ANKRD36: variants seen among roughly 807,000 people sequenced by gnomAD.
The protein encoded by ANKRD36 is ankyrin repeat domain-containing protein 36A.
ANKRD36 carries 179 observed loss-of-function variants against 278.1 expected under a neutral mutation model. The ratio of observed to expected loss-of-function variants is 0.64; its 90% confidence interval spans 0.57 to 0.73. The LOEUF is 0.73. Among genes scored for constraint, ANKRD36 ranks in the 30% least tolerant of loss-of-function variants. The pLI, the probability that ANKRD36 is intolerant of heterozygous loss-of-function variation, is 0.00. For synonymous variants in ANKRD36, 320 were observed against 641.1 expected (o/e 0.50, Z 7.57); for missense variants, 1,159 against 1,956.7 (o/e 0.59, Z 7.69).
chr2:97,166,905 T>C (rs1427949134), intron 20 of ANKRD36, among the ~76,000 whole-genome samples: 1 of 152,294 alleles, frequency 6.6e-6, no homozygotes, highest in Non-Finnish European at 1.5e-5. Flanking sequence ...CTTTAAGTTT[T>C]AGGGTACATG....
At chr2:97,157,130 C>CTT (rs2047660651) in intron 15 of ANKRD36, among the ~76,000 whole-genome samples, 1 of 67,262 alleles carries the variant, frequency 1.5e-5, no homozygotes, top group East Asian at 2.9e-4. Flanking sequence ...GTTTTTTTTT[C>CTT]CTCTCTCTCT....
chr2:97,140,201 C>T lies in ANKRD36; in HGVS notation c.800-2439C>T, dbSNP rs1195782812. Among the ~76,000 whole-genome samples, 2 of 151,462 alleles carry T rather than the reference C, an allele frequency of 1.3e-5. 1 individual carries two copies. Among genetic ancestry groups the T allele is most frequent in the East Asian group, 3.9e-4 (2 of 5,164 alleles). On this transcript the variant is annotated intron_variant, in intron 6 of 75. Transcript: ENST00000420699. The stretch of plus-strand genomic sequence containing the variant: ...TGTACCTGCAAAAAATTACACCATT[C>T]TTCATTTTTCATGTCAATTACTGAC...
At chr2:97,217,415 A>G (rs1435311270) in intron 64 of ANKRD36, 43 bp downstream of exon 64, 1 of 1,548,682 alleles carries the variant, frequency 6.5e-7, no homozygotes, top group South Asian at 1.2e-5. Context: ...CACTCAAGAT[A>G]GAAGACAACA....
In ANKRD36 at chr2:97,198,381, G is replaced by T. The variant is rs1285828073; in HGVS notation, c.2654-82G>T. The stretch of plus-strand genomic sequence containing the variant: ...CACTAATACAGGCAGGAGGACAGAG[G>T]TTGATGCTAACACTGTATGAATGTA... On this transcript the variant is annotated intron_variant, in intron 42 of 75. Transcript: ENST00000420699. 4 of 1,546,752 alleles carry T rather than the reference G, an allele frequency of 2.6e-6. No homozygotes were observed. The East Asian group carries it at 7.3e-5, about 28-fold the overall frequency.
rs141478865 is a variant in ANKRD36, at chr2:97,211,731, ATC to A, written c.3461_3462del (p.Ser1154TrpfsTer16). On this transcript the variant is annotated frameshift_variant, in exon 58 of 76. Coordinates refer to ENST00000420699, the MANE Select transcript of ANKRD36 (RefSeq NM_001354587.1). LOFTEE classifies it high-confidence loss of function. The part of the protein sequence containing the change: ...MATEKKDEQI[S>X]GTVSCQKQPA... ...CCACGGAAAAAAAGGATGAACAAAT[ATC>A]TGGGACAGGTAATTTTGCAAACACA... 1.2e-3 allele frequency: 1,851 copies of A among 1,582,490 alleles called. No homozygotes were observed. The East Asian group carries it at 0.038, about 32-fold the overall frequency.
intron 26 of ANKRD36, among the ~76,000 whole-genome samples, chr2:97,182,110 A>T (rs2056393336): frequency 6.6e-6 from 1 of 151,400 alleles, no homozygotes; most frequent in Admixed American, 6.6e-5. Flanking sequence ...GAAAGAGATG[A>T]AGTATAGATT....
At chr2:97,172,202 G>A (rs371240299) in intron 22 of ANKRD36, among the ~76,000 whole-genome samples, 35 of 151,454 alleles carry the variant, frequency 2.3e-4, no homozygotes, top group African/African-American at 8.5e-4. Flanking sequence ...TAACATGTAG[G>A]ACTTGATTTT....
intron 67 of ANKRD36, among the ~76,000 whole-genome samples, chr2:97,229,853 C>G (rs979377210): frequency 6.6e-6 from 1 of 152,094 alleles, no homozygotes; most frequent in Non-Finnish European, 1.5e-5. Flanking sequence ...AATCTCTCAT[C>G]ATTTGCTTGT....
At chr2:97,156,096 C>T (rs1333779796) in intron 15 of ANKRD36, among the ~76,000 whole-genome samples, 1 of 146,408 alleles carries the variant, frequency 6.8e-6, no homozygotes, top group Non-Finnish European at 1.5e-5. Flanking sequence ...AAGGCGGATA[C>T]AGCGTGTTTT....
At chr2:97,143,737 T>C (rs1398245766) in intron 8 of ANKRD36, among the ~76,000 whole-genome samples, 1 of 152,236 alleles carries the variant, frequency 6.6e-6, no homozygotes, top group African/African-American at 2.4e-5. Context: ...ATCAGAGCAA[T>C]TTCCAAATGG....
chr2:97,217,421 C>G, intron 64 of ANKRD36, 49 bp downstream of exon 64: 1 of 1,548,284 alleles, frequency 6.5e-7, no homozygotes, highest in Non-Finnish European at 8.7e-7. Flanking sequence ...AGATAGAAGA[C>G]AACATCCCAC....
At chr2:97,200,635 C>T in intron 46 of ANKRD36, 110 bp downstream of exon 46, 2 of 1,467,128 alleles carry the variant, frequency 1.4e-6, no homozygotes, top group South Asian at 2.6e-5. Flanking sequence ...ATTCACCAAG[C>T]TTGAGATTCT....
intron 36 of ANKRD36, among the ~76,000 whole-genome samples, chr2:97,192,586 T>C (rs1219639696): frequency 6.6e-6 from 1 of 151,756 alleles, no homozygotes; most frequent in East Asian, 2.0e-4. Context: ...ACTTGGCATA[T>C]GGACATTGAT....
At chr2:97,134,499 G>T (rs1380811251) in intron 6 of ANKRD36, among the ~76,000 whole-genome samples, 3 of 152,036 alleles carry the variant, frequency 2.0e-5, no homozygotes, top group Non-Finnish European at 4.4e-5. Context: ...TTGGAAATAA[G>T]ACCAGCTAGT....
At chr2:97,137,393 C>T (rs911048272) in intron 6 of ANKRD36, among the ~76,000 whole-genome samples, 8 of 151,806 alleles carry the variant, frequency 5.3e-5, no homozygotes, top group Non-Finnish European at 1.0e-4. Context: ...TCATGTGATC[C>T]ACCCACCTTG....
intron 42 of ANKRD36, among the ~76,000 whole-genome samples, chr2:97,198,152 C>T (rs1448858487): frequency 6.6e-6 from 1 of 151,894 alleles, no homozygotes; most frequent in Non-Finnish European, 1.5e-5. Flanking sequence ...TGAGTTGCCC[C>T]TCTGATTTTA....
In ANKRD36 at chr2:97,202,221, A is replaced by C; in HGVS notation, c.2877A>C (p.Pro959=). Residue 959 remains proline, a synonymous_variant, in exon 47 of 76, where the codon CCA becomes CCC. Coordinates refer to ENST00000420699, the MANE Select transcript of ANKRD36 (RefSeq NM_001354587.1). ...TTTCAGTGTCTTCTCAGAAACCACC[A>C]GCCTTGAAGGTAATGAAACTCCCAT... The part of the protein sequence containing the change: ...ISRKVSSQKP[P]ALKGTSDEED... The C allele has an allele frequency of 6.2e-7, 1 of 1,609,590 alleles. No homozygotes were observed. Among genetic ancestry groups the C allele is most frequent in the Non-Finnish European group, 8.5e-7 (1 of 1,178,642 alleles).
intron 6 of ANKRD36, among the ~76,000 whole-genome samples, chr2:97,140,728 G>C (rs1399641320): frequency 6.6e-6 from 1 of 151,976 alleles, no homozygotes; most frequent in Non-Finnish European, 1.5e-5. Flanking sequence ...GTGTCAGAAT[G>C]GGATTGTACG....
rs1233866893 is a variant in ANKRD36 at position 97,158,154 on chromosome 2, A to G, written c.1308A>G (p.Gln436=). The change falls in exon 16 of 76, where the codon CAA becomes CAG. Residue 436 remains glutamine, a synonymous_variant. Coordinates refer to ENST00000420699, the MANE Select transcript of ANKRD36 (RefSeq NM_001354587.1). ...YFTNRRTISQ[Q]SAENLDAACG... ...CGAACAGAAGGACTATTTCTCAACA[A>G]TCTGCAGAAAATTGTAAGCTATTTG... The G allele has an allele frequency of 5.3e-6, 8 of 1,512,628 alleles. No homozygotes were observed. The Admixed American group carries it at 1.2e-4, about 22-fold the overall frequency. The allele number at this position is 1,512,628 out of a possible 1,614,324, so 93.7% of individuals were successfully genotyped here.
Sources: allele counts gnomAD v4.1 joint callset (sites outside exome capture counted in the v4.1 genomes callset), GRCh38; gene constraint gnomAD v4.1.1; transcripts MANE v1.5; gene names NCBI Gene and HGNC (gene_info 2026-07-23, HGNC 2026-07-21).